The following CACNA1C variants were observed in gnomAD, a reference collection of about 807,000 sequenced individuals.
The protein encoded by CACNA1C is calcium voltage-gated channel subunit alpha1 C.
CACNA1C carries 30 observed loss-of-function variants against 229.0 expected under a neutral mutation model. The observed-to-expected ratio is 0.13, with a 90% confidence interval of 0.10 to 0.18. The LOEUF is 0.18. CACNA1C is among the 10% of genes least tolerant of loss of function. The probability of loss-of-function intolerance (pLI) is 1.00; values close to 1 mark genes in which losing one functional copy is unlikely to be tolerated. For missense variants in CACNA1C, 1,658 were observed against 2,845.0 expected (o/e 0.58, Z 9.49); for synonymous variants, 1,114 against 1,132.5 (o/e 0.98, Z 0.33).
rs529834104 is a variant in CACNA1C at position 2,067,129 on chromosome 12, C to G, written c.49+13518C>G. ...AAAGTGAGACAGCTGCTGACTAGGT[C>G]TGGGGGCAAAGGGTTCTAGCTCTGT... On this transcript the variant is annotated intron_variant, in intron 1 of 46. Transcript: ENST00000399655. This position sits in a 1 kb window ranked among gnomAD's most constrained non-coding sequence, Gnocchi z 5.3. 6.6e-6 allele frequency among the ~76,000 whole-genome samples: 1 copy of G among 152,100 alleles called. No individual in the cohort carries two copies. Among genetic ancestry groups the G allele is most frequent in the Non-Finnish European group, 1.5e-5 (1 of 68,000 alleles).
At chr12:2,393,196 C>T (rs985951308) in intron 3 of CACNA1C, among the ~76,000 whole-genome samples, 1 of 152,178 alleles carries the variant, frequency 6.6e-6, no homozygotes, top group African/African-American at 2.4e-5. Flanking sequence ...GGCCTCCAGA[C>T]CACTGTCTTA....
chr12:2,367,716 A>G (rs1285851450), intron 3 of CACNA1C, among the ~76,000 whole-genome samples: 2 of 152,174 alleles, frequency 1.3e-5, no homozygotes, highest in African/African-American at 2.4e-5. Context: ...TTTAGAAATA[A>G]AAAAGAGCAA....
chr12:2,124,461 AG>A (rs1565844273), intron 3 of CACNA1C, among the ~76,000 whole-genome samples: 1 of 152,194 alleles, frequency 6.6e-6, no homozygotes, highest in Admixed American at 6.5e-5. Flanking sequence ...GCTGGTTTTG[AG>A]GGGATGAGAA....
Position 2,115,266 on chromosome 12 carries a change from A to G in CACNA1C, c.92A>G (p.Asn31Ser), listed in dbSNP as rs1367895262. Residue 31 changes from asparagine (N) to serine (S), a missense_variant, in exon 2 of 47, where the codon AAT becomes AGT. Coordinates refer to ENST00000399655, the MANE Select transcript of CACNA1C (RefSeq NM_000719.7). Reference protein sequence around the residue: ...GSPRPAHANMNANAAAGLAPE... With the variant: ...GSPRPAHANMSANAAAGLAPE... ...CCACGCCCCGCCCATGCCAACATGA[A>G]TGCCAATGCGGCAGCGGGGCTGGCC... 23 of 1,592,258 alleles carry G rather than the reference A, an allele frequency of 1.4e-5. No individual in the cohort carries two copies. The highest frequency in any genetic ancestry group is 2.0e-5 in the Non-Finnish European group (23 of 1,168,482).
intron 1 of CACNA1C, among the ~76,000 whole-genome samples, chr12:2,011,885 G>A (rs2044512134): frequency 6.6e-6 from 1 of 152,188 alleles, no homozygotes; most frequent in Non-Finnish European, 1.5e-5. Context: ...GCTGTAGATT[G>A]CTAATCCAGG....
chr12:2,106,606 C>A, intron 1 of CACNA1C, among the ~76,000 whole-genome samples: 1 of 111,460 alleles, frequency 9.0e-6, no homozygotes, highest in African/African-American at 3.3e-5. Flanking sequence ...GAGAGGGTTT[C>A]CACCTCAGCT....
chr12:2,330,996 A>T (rs1210404853), intron 3 of CACNA1C, among the ~76,000 whole-genome samples: 1 of 152,202 alleles, frequency 6.6e-6, no homozygotes, highest in Non-Finnish European at 1.5e-5. Flanking sequence ...CTGCATCAGG[A>T]ATAAAAGAGC....
intron 3 of CACNA1C, among the ~76,000 whole-genome samples, chr12:2,266,744 T>TGCAAGGG (rs2082537647): frequency 6.6e-6 from 1 of 152,188 alleles, no homozygotes; most frequent in Non-Finnish European, 1.5e-5. Context: ...TTAGGAAAGC[T>TGCAAGGG]GCAAGGGAGT....
At chr12:2,429,124 T>C (rs754051354) in intron 3 of CACNA1C, among the ~76,000 whole-genome samples, 4 of 152,136 alleles carry the variant, frequency 2.6e-5, no homozygotes, top group Admixed American at 6.5e-5. Flanking sequence ...CACTCAGCTT[T>C]GCCTCGGTGG....
chr12:2,570,101 C>CAT (rs2053549873), intron 13 of CACNA1C, among the ~76,000 whole-genome samples: 1 of 152,134 alleles, frequency 6.6e-6, no homozygotes, highest in Non-Finnish European at 1.5e-5. Flanking sequence ...CCTTAGAAGA[C>CAT]ATATGGGAAA....
chr12:2,141,623 C>T (rs985702772), intron 3 of CACNA1C, among the ~76,000 whole-genome samples: 12 of 151,324 alleles, frequency 7.9e-5, no homozygotes, highest in Non-Finnish European at 1.0e-4. Context: ...ATGCAAGCTC[C>T]GTAACGAGCA....
At chr12:2,004,228 C>T in intron 1 of CACNA1C, 1 of 1,603,372 alleles carries the variant, frequency 6.2e-7, no homozygotes. Flanking sequence ...AGTCTGACGC[C>T]CCCCGCCTCC....
intron 1 of CACNA1C, among the ~76,000 whole-genome samples, chr12:2,114,276 G>A (rs891823484): frequency 3.9e-5 from 6 of 152,196 alleles, no homozygotes; most frequent in African/African-American, 1.4e-4. Flanking sequence ...GCTAGTCTGG[G>A]CTTCCTCACA....
At chr12:2,020,906 G>A (rs2046329180) in intron 1 of CACNA1C, among the ~76,000 whole-genome samples, 1 of 152,172 alleles carries the variant, frequency 6.6e-6, no homozygotes, top group African/African-American at 2.4e-5. Context: ...GTTCTTCCCT[G>A]TATGGAACCC....
chr12:2,019,509 GAGGA>G (rs564201695), intron 1 of CACNA1C, among the ~76,000 whole-genome samples: 101 of 137,484 alleles, frequency 7.3e-4, no homozygotes, highest in African/African-American at 1.8e-3. Context: ...GGGAGGGAGG[GAGGA>G]AGGAAGGAAG....
intron 3 of CACNA1C, among the ~76,000 whole-genome samples, chr12:2,163,140 G>A (rs1227005089): frequency 1.3e-5 from 2 of 149,842 alleles, no homozygotes; most frequent in Non-Finnish European, 3.0e-5. Context: ...AGGGGCTACC[G>A]TGAGCCGAGC....
chr12:2,141,629 G>A (rs2094203534), intron 3 of CACNA1C, among the ~76,000 whole-genome samples: 1 of 151,368 alleles, frequency 6.6e-6, no homozygotes, highest in South Asian at 2.1e-4. Context: ...GCTCCGTAAC[G>A]AGCACTCAGG....
chr12:2,186,683 A>G (rs988926213), intron 3 of CACNA1C, among the ~76,000 whole-genome samples: 1 of 152,124 alleles, frequency 6.6e-6, no homozygotes, highest in Admixed American at 6.5e-5. Context: ...GTTTAATCAT[A>G]ATGGGATTTC....
At chr12:2,372,308 A>G (rs548834385) in intron 3 of CACNA1C, among the ~76,000 whole-genome samples, 16 of 152,156 alleles carry the variant, frequency 1.1e-4, no homozygotes, top group African/African-American at 3.6e-4. Context: ...CCTCCCCCAC[A>G]TCTCCCCACC....
Sources: allele counts gnomAD v4.1 joint callset (sites outside exome capture counted in the v4.1 genomes callset), GRCh38; gene constraint gnomAD v4.1.1; non-coding constraint Gnocchi (gnomAD v3.1); transcripts MANE v1.5; gene names NCBI Gene and HGNC (gene_info 2026-07-23, HGNC 2026-07-21).